The following ANO6 variants were observed in gnomAD, a reference collection of about 807,000 sequenced individuals.
ANO6 encodes the protein anoctamin-6.
Under a neutral mutation model 117.5 loss-of-function variants are expected in ANO6, and 106 were observed. The observed-to-expected ratio is 0.90, with a 90% confidence interval of 0.77 to 1.06. The LOEUF is 1.06. ANO6 is among the 50% of genes least tolerant of loss of function. The pLI, the probability that ANO6 is intolerant of heterozygous loss-of-function variation, is 0.00. For synonymous variants in ANO6, 367 were observed against 385.1 expected, an observed-to-expected ratio of 0.95 and a Z score of 0.55; for missense variants, 955 against 1,121.1, an observed-to-expected ratio of 0.85 and a Z score of 2.12.
intron 19 of ANO6, among the ~76,000 whole-genome samples, chr12:45,427,588 T>C (rs1943534600): frequency 6.6e-6 from 1 of 152,166 alleles, no homozygotes; most frequent in Admixed American, 6.5e-5. Context: ...TTGTTTTTAA[T>C]TATGCTTATA....
intron 2 of ANO6, among the ~76,000 whole-genome samples, chr12:45,311,162 G>A (rs1277777336): frequency 6.6e-6 from 1 of 151,878 alleles, no homozygotes; most frequent in Non-Finnish European, 1.5e-5. Flanking sequence ...TGCTTATCTG[G>A]GCAGTTATTC....
Position 45,348,250 on chromosome 12 carries a change from C to T in ANO6, c.568C>T (p.Arg190Trp), listed in dbSNP as rs116758964. 20 of 1,613,966 alleles carry T rather than the reference C, an allele frequency of 1.2e-5. No individual in the cohort carries two copies. The highest frequency in any genetic ancestry group is 8.9e-5 in the East Asian group (4 of 44,876). Residue 190 changes from arginine to tryptophan, a missense_variant, in exon 5 of 20, where the codon CGG becomes TGG. Physicochemically the swap from Arg to Trp is moderately radical, Grantham distance 101 (BLOSUM62 -3). Coordinates refer to ENST00000320560, the MANE Select transcript of ANO6 (RefSeq NM_001025356.3). ...TTTCACTGCCCCATTTGAGAAGAACCGGATGAATGATTTTTACATAGTTGA... is the reference window on the plus strand; with the variant it reads ...TTTCACTGCCCCATTTGAGAAGAACTGGATGAATGATTTTTACATAGTTGA... ...EFFTAPFEKN[R>W]MNDFYIVDRD...
intron 10 of ANO6, among the ~76,000 whole-genome samples, chr12:45,379,957 C>T (rs9788104): frequency 0.047 from 7,102 of 152,218 alleles, 215 homozygotes; most frequent in East Asian, 0.14. Flanking sequence ...CTGCTGTGAA[C>T]CACTTTACAG....
intron 3 of ANO6, among the ~76,000 whole-genome samples, chr12:45,346,187 A>G (rs910805579): frequency 3.7e-4 from 57 of 152,304 alleles, no homozygotes; most frequent in African/African-American, 1.3e-3. Context: ...TATTTAAACC[A>G]TAGCAGAGCT....
At chr12:45,419,941 A>G (rs1943314806) in intron 17 of ANO6, among the ~76,000 whole-genome samples, 1 of 151,824 alleles carries the variant, frequency 6.6e-6, no homozygotes, top group African/African-American at 2.4e-5. Context: ...TGTTCAACTT[A>G]TAATTTTCAT....
chr12:45,429,640 A>G lies in ANO6; in HGVS notation c.*329A>G, dbSNP rs1290110190. ...TGGATTCTTTTTTTTCTGTTTGATT[A>G]TTTTCATTTCTGTCTATTCTCAGGC... is the stretch of plus-strand genomic sequence containing the variant. On this transcript the variant is annotated 3_prime_UTR_variant, in exon 20 of 20. Transcript: ENST00000320560. 1 of 1,155,138 alleles carries G rather than the reference A, an allele frequency of 8.7e-7. No individual in the cohort carries two copies. Among genetic ancestry groups the G allele is most frequent in the Non-Finnish European group, 1.1e-6 (1 of 931,854 alleles). The allele number at this position is 1,155,138 out of a possible 1,614,324, so 71.6% of individuals were successfully genotyped here.
At position 45,429,345 on chromosome 12, in the gene ANO6, T is replaced by G; in HGVS notation, c.*34T>G. 1 of 1,604,770 alleles carries G rather than the reference T, an allele frequency of 6.2e-7. No individual in the cohort carries two copies. The highest frequency in any genetic ancestry group is 8.5e-7 in the Non-Finnish European group (1 of 1,175,652). On this transcript the variant is annotated 3_prime_UTR_variant, in exon 20 of 20. Coordinates refer to ENST00000320560, the MANE Select transcript of ANO6 (RefSeq NM_001025356.3). ...TGTTCTGAGAAGCACTTTAAGGAAT[T>G]TAGCTTTGTCAAAATATATTAGGAA...
chr12:45,419,258 CAG>C (rs752005102), intron 17 of ANO6, among the ~76,000 whole-genome samples: 13 of 152,198 alleles, frequency 8.5e-5, no homozygotes, highest in Non-Finnish European at 1.5e-4. Context: ...GCATGTCTCT[CAG>C]AGCAGCTCAA....
intron 2 of ANO6, chr12:45,313,620 T>C (rs1194908418): frequency 2.6e-5 from 4 of 152,004 alleles, no homozygotes; most frequent in East Asian, 3.9e-4. Flanking sequence ...TATCAGGAAT[T>C]AGTTCTGTTC....
intron 3 of ANO6, among the ~76,000 whole-genome samples, chr12:45,346,042 C>G (rs1941123486): frequency 6.6e-6 from 1 of 152,068 alleles, no homozygotes; most frequent in Admixed American, 6.6e-5. Context: ...TCATTCCATG[C>G]TAATAAACTC....
chr12:45,307,851 G>A (rs1404671720), intron 2 of ANO6, among the ~76,000 whole-genome samples: 1 of 151,896 alleles, frequency 6.6e-6, no homozygotes, highest in Non-Finnish European at 1.5e-5. Context: ...AAAGTAGGAA[G>A]GAATGACCAC....
Position 45,353,487 on chromosome 12 carries a change from A to G in ANO6, c.863+2713A>G, listed in dbSNP as rs181294252. Among the ~76,000 whole-genome samples the G allele has an allele frequency of 1.6e-3, 247 of 152,188 alleles. 1 individual carries two copies. Among genetic ancestry groups the G allele is most frequent in the Non-Finnish European group, 3.1e-3 (210 of 68,008 alleles). On this transcript the variant is annotated intron_variant, in intron 7 of 19. Coordinates refer to ENST00000320560, the MANE Select transcript of ANO6 (RefSeq NM_001025356.3). ...CTCTTTTATTTTTTTTGCTTTAGTA[A>G]AGAAAACTTCCCAACTATTTTAAAT...
chr12:45,373,684 C>T (rs1248789955), intron 9 of ANO6, among the ~76,000 whole-genome samples: 1 of 152,106 alleles, frequency 6.6e-6, no homozygotes, highest in Non-Finnish European at 1.5e-5. Context: ...ACACAACATA[C>T]CGGAATCTCT....
chr12:45,265,071 CTTAAA>C (rs1044305961), intron 1 of ANO6, among the ~76,000 whole-genome samples: 3 of 152,256 alleles, frequency 2.0e-5, no homozygotes, highest in Admixed American at 6.5e-5. Context: ...CAATTCCATT[CTTAAA>C]TTAAGGCATT....
At position 45,228,504 on chromosome 12, in the gene ANO6, C is replaced by T. The variant is rs534884225; in HGVS notation, c.70+12113C>T. Among the ~76,000 whole-genome samples, 8 of 151,908 alleles carry T rather than the reference C, an allele frequency of 5.3e-5. No homozygotes were observed. The South Asian group carries it at 1.0e-3, about 20-fold the overall frequency. ...TGTATAGTTGTATGCACAAAAAGTG[C>T]GGAAGGAAACATTTAAGAAGTTATA... is the stretch of plus-strand genomic sequence containing the variant. On this transcript the variant is annotated intron_variant, in intron 1 of 19. Transcript: ENST00000320560.
At chr12:45,389,388 A>T (rs1159936286) in intron 11 of ANO6, among the ~76,000 whole-genome samples, 2 of 152,244 alleles carry the variant, frequency 1.3e-5, no homozygotes, top group African/African-American at 2.4e-5. Context: ...ACTTAAACAA[A>T]ATTAGATGTT....
At chr12:45,241,467 G>A (rs191134036) in intron 1 of ANO6, among the ~76,000 whole-genome samples, 1 of 152,164 alleles carries the variant, frequency 6.6e-6, no homozygotes, top group East Asian at 1.9e-4. Flanking sequence ...TTTTTTCAAG[G>A]TTTTTAGTTT....
intron 1 of ANO6, among the ~76,000 whole-genome samples, chr12:45,274,883 A>G (rs893547190): frequency 6.7e-6 from 1 of 148,710 alleles, no homozygotes; most frequent in Non-Finnish European, 1.5e-5. Context: ...TCTCACTTGA[A>G]TGTCACCTAC....
At chr12:45,267,293 T>C (rs1234146341) in intron 1 of ANO6, among the ~76,000 whole-genome samples, 1 of 152,184 alleles carries the variant, frequency 6.6e-6, no homozygotes, top group African/African-American at 2.4e-5. Flanking sequence ...TGCACTCTGG[T>C]ATCTTTCTGT....
Sources: gnomAD v4.1 joint callset for allele counts (sites outside exome capture counted in the v4.1 genomes callset) on GRCh38, gnomAD v4.1.1 for gene constraint, MANE v1.5 for transcripts, NCBI Gene and HGNC (gene_info 2026-07-23, HGNC 2026-07-21) for gene names.